The following ZBTB20 variants were observed in gnomAD, a reference collection of about 807,000 sequenced individuals.
ZBTB20 encodes the protein zinc finger and BTB domain-containing protein 20.
In ZBTB20, 9 loss-of-function variants were observed where a neutral mutation model predicts 56.9. The observed-to-expected ratio is 0.16, with a 90% CI of 0.10 to 0.28. The LOEUF (loss-of-function observed/expected upper bound fraction) is 0.28. Among genes scored for constraint, ZBTB20 ranks in the 10% least tolerant of loss-of-function variants. The probability of loss-of-function intolerance (pLI) is 1.00; values close to 1 mark genes in which losing one functional copy is unlikely to be tolerated. For synonymous variants in ZBTB20, 417 were observed against 420.7 expected (o/e 0.99, Z 0.11); for missense variants, 655 against 1,003.0 (o/e 0.65, Z 4.69).
chr3:115,055,688 CAATG>C (rs148553376), intron 2 of ZBTB20, among the ~76,000 whole-genome samples: 2,604 of 152,108 alleles, frequency 0.017, 30 homozygotes, highest in Middle Eastern at 0.037. Context: ...AGTAAAAGCT[CAATG>C]AATGTCATTT....
intron 6 of ZBTB20, among the ~76,000 whole-genome samples, chr3:114,673,077 T>C (rs1465526202): frequency 6.6e-6 from 1 of 152,172 alleles, no homozygotes; most frequent in Non-Finnish European, 1.5e-5. Context: ...AGGTGAAACT[T>C]ATCTGTAAAT....
intron 6 of ZBTB20, among the ~76,000 whole-genome samples, chr3:114,556,197 C>G (rs2051199121): frequency 6.6e-6 from 1 of 152,040 alleles, no homozygotes; most frequent in African/African-American, 2.4e-5. Context: ...CAAAGCAGAA[C>G]AAAGGTGAAC....
At chr3:114,419,155 A>C (rs2088881781) in intron 7 of ZBTB20, 1 of 152,168 alleles carries the variant, frequency 6.6e-6, no homozygotes, top group African/African-American at 2.4e-5. Context: ...ATGACATTAA[A>C]AACACCAGTT....
intron 2 of ZBTB20, among the ~76,000 whole-genome samples, chr3:115,002,848 C>T (rs1238835871): frequency 6.6e-6 from 1 of 151,600 alleles, no homozygotes; most frequent in Non-Finnish European, 1.5e-5. Flanking sequence ...TCCACAAAAT[C>T]CTACACATAA....
In ZBTB20 at chr3:114,973,839, C is replaced by T. The variant is rs996486397; in HGVS notation, c.-456+527G>A. ...GCTCTTTATACACAATGCAGCCACA[C>T]GAGTCTATTGTAAACTTCTTGCCTG... On this transcript the variant is annotated intron_variant, in intron 3 of 11. Transcript: ENST00000675478. 8.1e-4 allele frequency among the ~76,000 whole-genome samples: 124 copies of T among 152,242 alleles called. 1 individual carries two copies. Among genetic ancestry groups the T allele is most frequent in the Non-Finnish European group, 1.1e-3 (77 of 68,006 alleles).
intron 7 of ZBTB20, among the ~76,000 whole-genome samples, chr3:114,426,463 A>G (rs540489729): frequency 3.3e-5 from 5 of 151,960 alleles, no homozygotes; most frequent in East Asian, 1.9e-4. Flanking sequence ...CTTCAGATCA[A>G]TTGTGAATTA....
chr3:114,675,325 T>A (rs1003129537), intron 6 of ZBTB20, among the ~76,000 whole-genome samples: 1 of 123,260 alleles, frequency 8.1e-6, no homozygotes, highest in African/African-American at 3.1e-5. Flanking sequence ...ATAAGGTTAC[T>A]GTGTTTTTTT....
chr3:114,620,479 A>AG (rs2058248523), intron 6 of ZBTB20, among the ~76,000 whole-genome samples: 1 of 151,898 alleles, frequency 6.6e-6, no homozygotes, highest in Admixed American at 6.6e-5. Context: ...TTTAGTAGAG[A>AG]GGGGGTTTCT....
Position 114,329,985 on chromosome 3 carries a change from T to C in ZBTB20, c.*9020A>G, listed in dbSNP as rs1001738977. The C allele has an allele frequency of 7.2e-5, 11 of 152,220 alleles. No individual in the cohort carries two copies. The highest frequency in any genetic ancestry group is 1.5e-4 in the Non-Finnish European group (10 of 68,030). The allele number at this position is 152,220 out of a possible 1,614,324, so 9.4% of individuals were successfully genotyped here. Reference sequence around the variant, plus strand: ...TGGCACTTAAGTAGCCCCTTGGTCATATTTTTAAAAGCAAATATAGACAGT... The same window carrying C: ...TGGCACTTAAGTAGCCCCTTGGTCACATTTTTAAAAGCAAATATAGACAGT... On this transcript the variant is annotated 3_prime_UTR_variant, in exon 12 of 12. Coordinates refer to ENST00000675478, the MANE Select transcript of ZBTB20 (RefSeq NM_001348800.3).
chr3:114,442,067 A>C (rs2090968314), intron 7 of ZBTB20, among the ~76,000 whole-genome samples: 1 of 152,148 alleles, frequency 6.6e-6, no homozygotes, highest in African/African-American at 2.4e-5. Context: ...CTCGCTGAAG[A>C]CTAGGAGTAT....
chr3:114,831,087 C>CTTT (rs57265260), intron 4 of ZBTB20, among the ~76,000 whole-genome samples: 37 of 55,540 alleles, frequency 6.7e-4, no homozygotes, highest in African/African-American at 1.3e-3. Flanking sequence ...TTTCTTTCTT[C>CTTT]TTTTTTTTTT....
chr3:114,351,262 A>C lies in ZBTB20; in HGVS notation c.816T>G (p.Thr272=). 1 of 1,601,072 alleles carries C rather than the reference A, an allele frequency of 6.2e-7. No individual in the cohort carries two copies. Among genetic ancestry groups the C allele is most frequent in the Non-Finnish European group, 8.5e-7 (1 of 1,178,340 alleles). The change falls in exon 11 of 12, where the codon ACT becomes ACG. Residue 272 remains threonine, a synonymous_variant. Coordinates refer to ENST00000675478, the MANE Select transcript of ZBTB20 (RefSeq NM_001348800.3). The part of the protein sequence containing the change: ...YSGAVVSHHE[T]ALGLPRDHHM... ...GGTGGTCGCGGGGCAGGCCGAGCGC[A>C]GTCTCGTGGTGGCTGACCACTGCGC...
intron 11 of ZBTB20, among the ~76,000 whole-genome samples, 175 bp downstream of exon 11, chr3:114,350,099 C>T (rs1005940499): frequency 2.6e-5 from 4 of 152,074 alleles, no homozygotes; most frequent in Admixed American, 2.0e-4. Flanking sequence ...TGGCAGGGTG[C>T]TTTGTTCTTA....
chr3:114,811,644 T>C (rs1467533974), intron 4 of ZBTB20, among the ~76,000 whole-genome samples: 1 of 152,228 alleles, frequency 6.6e-6, no homozygotes, highest in African/African-American at 2.4e-5. Flanking sequence ...TTTTACAACA[T>C]GTTGAGGAAA....
At chr3:115,031,245 A>ACCTCC (rs1392265722) in intron 2 of ZBTB20, among the ~76,000 whole-genome samples, 2,420 of 151,590 alleles carry the variant, frequency 0.016, 142 homozygotes, top group East Asian at 0.16. Flanking sequence ...GGTAATGTTA[A>ACCTCC]ACCACTTTTC....
chr3:114,319,698 T>C lies in ZBTB20; in HGVS notation c.*19307A>G, dbSNP rs1360754972. On this transcript the variant is annotated 3_prime_UTR_variant, in exon 12 of 12. Coordinates refer to ENST00000675478, the MANE Select transcript of ZBTB20 (RefSeq NM_001348800.3). The stretch of plus-strand genomic sequence containing the variant: ...AGGTTGTACAACTATCCATTGCAAA[T>C]CCTCATGAGAAGAGAAACACATGAG... The C allele has an allele frequency of 6.6e-6, 1 of 152,014 alleles. No homozygotes were observed. The highest frequency in any genetic ancestry group is 1.5e-5 in the Non-Finnish European group (1 of 68,024). 9.4% of individuals were successfully genotyped at this position (152,014 alleles called of 1,614,324 possible).
intron 4 of ZBTB20, among the ~76,000 whole-genome samples, chr3:114,851,105 C>G (rs2074979368): frequency 6.6e-6 from 1 of 152,162 alleles, no homozygotes; most frequent in Non-Finnish European, 1.5e-5. Context: ...CCGAGTCAGC[C>G]TGTTTCTCTA....
At chr3:114,995,882 C>T (rs1459748078) in intron 2 of ZBTB20, among the ~76,000 whole-genome samples, 2 of 151,886 alleles carry the variant, frequency 1.3e-5, no homozygotes, top group East Asian at 2.0e-4. Flanking sequence ...GTGTTAGTCA[C>T]GTATGCCAGT....
chr3:114,566,294 G>A (rs574698922), intron 6 of ZBTB20, among the ~76,000 whole-genome samples: 6 of 152,164 alleles, frequency 3.9e-5, no homozygotes, highest in South Asian at 4.2e-4. Flanking sequence ...AGGGCATGCC[G>A]AGTTTCCCTC....
Sources: allele counts gnomAD v4.1 joint callset (sites outside exome capture counted in the v4.1 genomes callset), GRCh38; gene constraint gnomAD v4.1.1; transcripts MANE v1.5; gene names NCBI Gene and HGNC (gene_info 2026-07-23, HGNC 2026-07-21).